PCDHGA9: variants seen among roughly 807,000 people sequenced by gnomAD.
The protein encoded by PCDHGA9 is protocadherin gamma-A9.
In PCDHGA9, 37 loss-of-function variants were observed where a neutral mutation model predicts 62.5. The ratio of observed to expected loss-of-function variants is 0.59; its 90% CI spans 0.46 to 0.78. The LOEUF (loss-of-function observed/expected upper bound fraction) is 0.78, where lower values mean the gene tolerates loss of function less well. PCDHGA9 is among the 30% of genes least tolerant of loss of function. The pLI, the probability that PCDHGA9 is intolerant of heterozygous loss-of-function variation, is 0.00. For synonymous variants in PCDHGA9, 459 were observed against 484.6 expected (o/e 0.95, Z 0.69); for missense variants, 1,138 against 1,166.2 (o/e 0.98, Z 0.35).
chr5:141,481,351 A>G (rs2099536232), intron 1 of PCDHGA9, among the ~76,000 whole-genome samples: 1 of 152,152 alleles, frequency 6.6e-6, no homozygotes, highest in Non-Finnish European at 1.5e-5. Context: ...TTAAACATCT[A>G]CAGCTGTTCA....
At position 141,432,871 on chromosome 5, in the gene PCDHGA9, C is replaced by T. The variant is rs1190891661; in HGVS notation, c.2424+27495C>T. On this transcript the variant is annotated intron_variant, in intron 1 of 3. Transcript: ENST00000573521. This position sits in a 1 kb window ranked among gnomAD's most constrained non-coding sequence, Gnocchi z 6.0. ...CGGTGGCCGCGGTCTCCTGCGTCTT[C>T]CTGGCCTTCGTCATCTTGCTGCTGG... 1 of 1,614,216 alleles carries T rather than the reference C, an allele frequency of 6.2e-7. No homozygotes were observed. Among genetic ancestry groups the T allele is most frequent in the Non-Finnish European group, 8.5e-7 (1 of 1,180,018 alleles).
intron 1 of PCDHGA9, chr5:141,413,757 G>C (rs2095674818): frequency 1.2e-6 from 2 of 1,612,920 alleles, no homozygotes; most frequent in African/African-American, 2.7e-5. Flanking sequence ...ATGGCGTCAA[G>C]TACCCGGAGC....
Position 141,476,591 on chromosome 5 carries a change from G to T in PCDHGA9, c.2425-18216G>T, listed in dbSNP as rs200254399. The T allele has an allele frequency of 6.2e-7, 1 of 1,614,230 alleles. No homozygotes were observed. The highest frequency in any genetic ancestry group is 8.5e-7 in the Non-Finnish European group (1 of 1,180,046). On this transcript the variant is annotated intron_variant, in intron 1 of 3. Transcript: ENST00000573521. The surrounding 1 kb of genome is among the most constrained non-coding windows in gnomAD (Gnocchi z 7.6). The stretch of plus-strand genomic sequence containing the variant: ...GGGGACGCGCTTTCCGCTCGAGAGC[G>T]CGCACGATCCCGATGTGGGAAGCAA...
chr5:141,440,564 A>G (rs531383065), intron 1 of PCDHGA9: 1 of 152,248 alleles, frequency 6.6e-6, no homozygotes, highest in Admixed American at 6.5e-5. Context: ...TAAGTTACGT[A>G]TCTCTGAGTT....
rs1212478322 is a variant in PCDHGA9 at position 141,485,871 on chromosome 5, T to G, written c.2425-8936T>G. ...ACCGCAGAGCTCCGGGTATCCGTGC[T>G]GGACGTAAACGACAACGCCCCAGCC... On this transcript the variant is annotated intron_variant, in intron 1 of 3. Coordinates refer to ENST00000573521, the MANE Select transcript of PCDHGA9 (RefSeq NM_018921.3). The surrounding 1 kb of genome is among the most constrained non-coding windows in gnomAD (Gnocchi z 5.7). 6.2e-7 allele frequency: 1 copy of G among 1,614,196 alleles called. No homozygotes were observed. The highest frequency in any genetic ancestry group is 8.5e-7 in the Non-Finnish European group (1 of 1,180,032).
At position 141,414,245 on chromosome 5, in the gene PCDHGA9, T is replaced by G. The variant is rs760119941; in HGVS notation, c.2424+8869T>G. On this transcript the variant is annotated intron_variant, in intron 1 of 3. Transcript: ENST00000573521. ...CCAGAGCTGACCATCACGTCTCTAT[T>G]TAGTCCAGTGACTGAAGATTCACCT... 49 of 1,613,380 alleles carry G rather than the reference T, an allele frequency of 3.0e-5. 1 individual carries two copies. The highest frequency in any genetic ancestry group is 1.3e-4 in the South Asian group (12 of 90,978).
chr5:141,431,995 G>A lies in PCDHGA9; in HGVS notation c.2424+26619G>A. 6.2e-7 allele frequency: 1 copy of A among 1,614,048 alleles called. No individual in the cohort carries two copies. Among genetic ancestry groups the A allele is most frequent in the East Asian group, 2.2e-5 (1 of 44,898 alleles). The stretch of plus-strand genomic sequence containing the variant: ...TAGTCACAGACATAGTCTTGGATAG[G>A]GAACAGGTTCCTAGCTACAACATCA... On this transcript the variant is annotated intron_variant, in intron 1 of 3. Coordinates refer to ENST00000573521, the MANE Select transcript of PCDHGA9 (RefSeq NM_018921.3). This position sits in a 1 kb window ranked among gnomAD's most constrained non-coding sequence, Gnocchi z 4.8.
chr5:141,410,847 G>GTTT (rs773839667), intron 1 of PCDHGA9: 4 of 158,330 alleles, frequency 2.5e-5, no homozygotes, highest in South Asian at 1.1e-4. Context: ...TTTTGTCTTT[G>GTTT]TCTTTTTTTT....
chr5:141,414,533 C>T, intron 1 of PCDHGA9: 1 of 1,613,960 alleles, frequency 6.2e-7, no homozygotes, highest in Non-Finnish European at 8.5e-7. Flanking sequence ...AATGACAACC[C>T]ACCTACCTTC....
Position 141,511,178 on chromosome 5 carries a change from G to A in PCDHGA9, c.*5G>A. The A allele has an allele frequency of 6.2e-7, 1 of 1,614,090 alleles. No homozygotes were observed. Among genetic ancestry groups the A allele is most frequent in the South Asian group, 1.1e-5 (1 of 91,074 alleles). On this transcript the variant is annotated 3_prime_UTR_variant, in exon 4 of 4. Coordinates refer to ENST00000573521, the MANE Select transcript of PCDHGA9 (RefSeq NM_018921.3). ...GGCAAGAAGGAGAAGAAGTAACATG[G>A]AGGCCAGGCCAAGAGCCACAGGGCG...
intron 1 of PCDHGA9, among the ~76,000 whole-genome samples, chr5:141,456,288 G>A (rs371687260): frequency 1.4e-3 from 217 of 152,226 alleles, no homozygotes; most frequent in Middle Eastern, 6.8e-3. Context: ...GAAAAGGGGC[G>A]TCTAATGGAG....
In PCDHGA9 at chr5:141,511,296, A is replaced by C; in HGVS notation, c.*123A>C. 1 of 1,505,968 alleles carries C rather than the reference A, an allele frequency of 6.6e-7. No individual in the cohort carries two copies. The allele number at this position is 1,505,968 out of a possible 1,614,324, so 93.3% of individuals were successfully genotyped here. On this transcript the variant is annotated 3_prime_UTR_variant, in exon 4 of 4. Coordinates refer to ENST00000573521, the MANE Select transcript of PCDHGA9 (RefSeq NM_018921.3). ...CAGAATACTGGTAGGGGCCAAGGCCATGCTCCCCTTGGGAAACAGAAACAA... is the reference window on the plus strand; with the variant it reads ...CAGAATACTGGTAGGGGCCAAGGCCCTGCTCCCCTTGGGAAACAGAAACAA...
chr5:141,489,066 C>G lies in PCDHGA9; in HGVS notation c.2425-5741C>G. The stretch of plus-strand genomic sequence containing the variant: ...CACTCAAATTCAGCTCCCCTCCCCC[C>G]TGCCCACCCCCGCCACTCGGTGACT... On this transcript the variant is annotated intron_variant, in intron 1 of 3. Transcript: ENST00000573521. This position sits in a 1 kb window ranked among gnomAD's most constrained non-coding sequence, Gnocchi z 4.5. 1 of 391,132 alleles carries G rather than the reference C, an allele frequency of 2.6e-6. No individual in the cohort carries two copies. Among genetic ancestry groups the G allele is most frequent in the South Asian group, 4.2e-5 (1 of 24,028 alleles). 24.2% of individuals were successfully genotyped at this position (391,132 alleles called of 1,614,324 possible).
rs553673516 is a variant in PCDHGA9, at chr5:141,476,211, T to C, written c.2425-18596T>C. The C allele has an allele frequency of 5.4e-5, 87 of 1,613,942 alleles. No individual in the cohort carries two copies. The highest frequency in any genetic ancestry group is 7.0e-5 in the Non-Finnish European group (83 of 1,180,000). ...GGTGCCTTGAACAAGGCTTCCACGG[T>C]CATTCACTATGAGATCCCGGAGGAA... On this transcript the variant is annotated intron_variant, in intron 1 of 3. Coordinates refer to ENST00000573521, the MANE Select transcript of PCDHGA9 (RefSeq NM_018921.3). The surrounding 1 kb of genome is among the most constrained non-coding windows in gnomAD (Gnocchi z 7.6).
chr5:141,413,117 C>A, intron 1 of PCDHGA9: 1 of 1,509,120 alleles, frequency 6.6e-7, no homozygotes, highest in Non-Finnish European at 8.9e-7. Context: ...ACAAAGGAAC[C>A]GGTTGAAACA....
At chr5:141,435,214 A>C (rs1314928643) in intron 1 of PCDHGA9, among the ~76,000 whole-genome samples, 1 of 152,176 alleles carries the variant, frequency 6.6e-6, no homozygotes, top group Non-Finnish European at 1.5e-5. Flanking sequence ...AAGTGAATTT[A>C]CTTTCTTTCA....
chr5:141,464,266 AAAAAAAAAAAAGC>A (rs2099079689), intron 1 of PCDHGA9, among the ~76,000 whole-genome samples: 2 of 138,926 alleles, frequency 1.4e-5, no homozygotes, highest in Admixed American at 1.4e-4. Flanking sequence ...CTCCGTCTAA[AAAAAAAAAAAAGC>A]AAAAAAAAAA....
At chr5:141,427,007 C>T (rs1215109574) in intron 1 of PCDHGA9, 2 of 456,668 alleles carry the variant, frequency 4.4e-6, no homozygotes, top group Admixed American at 2.3e-5. Flanking sequence ...CAGTTTTTAG[C>T]CAGGATGTAT....
Position 141,404,928 on chromosome 5 carries a change from C to G in PCDHGA9, c.1976C>G (p.Thr659Arg). 2.5e-6 allele frequency: 4 copies of G among 1,613,866 alleles called. No individual in the cohort carries two copies. The highest frequency in any genetic ancestry group is 3.4e-6 in the Non-Finnish European group (4 of 1,179,816). ...HGQPPLSATVTLTVAIADSIP... is the reference protein window; with the variant it reads ...HGQPPLSATVRLTVAIADSIP... ...CAGCCCCCTCTCTCGGCCACTGTCACGCTCACAGTAGCCATAGCTGACAGC... is the reference window on the plus strand; with the variant it reads ...CAGCCCCCTCTCTCGGCCACTGTCAGGCTCACAGTAGCCATAGCTGACAGC... Residue 659 changes from threonine to arginine, a missense_variant, in exon 1 of 4, where the codon ACG becomes AGG. Thr to Arg is a moderately conservative substitution (Grantham distance 71). Coordinates refer to ENST00000573521, the MANE Select transcript of PCDHGA9 (RefSeq NM_018921.3).
Sources: allele counts gnomAD v4.1 joint callset (sites outside exome capture counted in the v4.1 genomes callset), GRCh38; gene constraint gnomAD v4.1.1; non-coding constraint Gnocchi (gnomAD v3.1); transcripts MANE v1.5; gene names NCBI Gene and HGNC (gene_info 2026-07-23, HGNC 2026-07-21).